Variants in ZNF254 observed in about 807,000 individuals in gnomAD.
ZNF254 encodes the protein CTD-2017D11.1.
ZNF254 carries 10 observed loss-of-function variants against 12.4 expected under a neutral mutation model. The observed-to-expected ratio is 0.80, with a 90% CI of 0.50 to 1.36. The LOEUF (loss-of-function observed/expected upper bound fraction) is 1.36, where lower values mean the gene tolerates loss of function less well. Ranked by LOEUF, ZNF254 falls within the 40% of genes most tolerant of loss-of-function variation. ZNF254 has a pLI of 0.00. For missense variants in ZNF254, 996 were observed against 763.9 expected (o/e 1.30, Z -3.58); for synonymous variants, 305 against 253.4 (o/e 1.20, Z -1.93).
intron 2 of ZNF254, among the ~76,000 whole-genome samples, chr19:24,074,782 G>T (rs1971599824): frequency 6.6e-6 from 1 of 152,116 alleles, no homozygotes; most frequent in African/African-American, 2.4e-5. Context: ...GTGATATGTA[G>T]CTGGGTCCAG....
At chr19:24,048,075 T>C (rs573082235) in intron 2 of ZNF254, among the ~76,000 whole-genome samples, 1 of 134,228 alleles carries the variant, frequency 7.5e-6, no homozygotes, top group Admixed American at 8.5e-5. Context: ...GCTCTCAGAC[T>C]TAGTCGCCAG....
At chr19:24,058,218 G>T (rs553186010) in intron 2 of ZNF254, among the ~76,000 whole-genome samples, 2 of 152,084 alleles carry the variant, frequency 1.3e-5, no homozygotes, top group Non-Finnish European at 2.9e-5. Flanking sequence ...ACATGCCTCT[G>T]TGTAGAACCC....
intron 1 of ZNF254, among the ~76,000 whole-genome samples, chr19:24,097,848 A>C (rs945851407): frequency 5.3e-5 from 8 of 152,008 alleles, no homozygotes; most frequent in Non-Finnish European, 7.4e-5. Flanking sequence ...ACAACAACAA[A>C]AAAAACAATT....
At chr19:24,090,849 T>C (rs1366058653) in intron 1 of ZNF254, among the ~76,000 whole-genome samples, 1 of 152,000 alleles carries the variant, frequency 6.6e-6, no homozygotes, top group East Asian at 1.9e-4. Context: ...TATCTAATAA[T>C]ATATTTTATT....
chr19:24,061,590 C>T (rs1971068718), intron 2 of ZNF254, among the ~76,000 whole-genome samples: 1 of 152,204 alleles, frequency 6.6e-6, no homozygotes, highest in African/African-American at 2.4e-5. Context: ...GACTCTCCTG[C>T]CTTTTCACAG....
In ZNF254 at chr19:24,052,738, C is replaced by T. The variant is rs983074988; in HGVS notation, c.-94+6459C>T. On this transcript the variant is annotated intron_variant, in intron 2 of 4. Coordinates refer to the ZNF254 transcript ENST00000613065. Reference sequence around the variant, plus strand: ...TTAGAGATGATTGTGACATATTGCCCCAAAAGGCAGGTGATGTGAGTCTTC... The same window carrying T: ...TTAGAGATGATTGTGACATATTGCCTCAAAAGGCAGGTGATGTGAGTCTTC... Among the ~76,000 whole-genome samples, 6 of 152,262 alleles carry T rather than the reference C, an allele frequency of 3.9e-5. No homozygotes were observed. The East Asian group carries it at 1.2e-3, about 29-fold the overall frequency.
At chr19:24,093,482 G>A (rs531741373) in intron 1 of ZNF254, among the ~76,000 whole-genome samples, 24 of 152,064 alleles carry the variant, frequency 1.6e-4, no homozygotes, top group Non-Finnish European at 2.1e-4. Flanking sequence ...TGTAATAAAG[G>A]GGTCCAGTTT....
chr19:24,108,434 A>G (rs1973468355), intron 3 of ZNF254, among the ~76,000 whole-genome samples: 1 of 152,202 alleles, frequency 6.6e-6, no homozygotes, highest in African/African-American at 2.4e-5. Context: ...GAAAAGGGTT[A>G]CCTTCAGTCT....
chr19:24,115,435 A>G lies in ZNF254; in HGVS notation c.253+8792A>G, dbSNP rs531421173. Among the ~76,000 whole-genome samples the G allele has an allele frequency of 7.5e-5, 11 of 146,850 alleles. No homozygotes were observed. In the East Asian group the frequency reaches 1.4e-3, roughly 18 times the overall value. ...TAAACTATCGCAAGAACAAAAAACC[A>G]AACACCGCATATTCCCACTCATGGG... is the stretch of plus-strand genomic sequence containing the variant. On this transcript the variant is annotated intron_variant, in intron 3 of 3. Transcript: ENST00000357002.
chr19:24,121,220 T>C (rs1974457888), intron 3 of ZNF254, among the ~76,000 whole-genome samples: 2 of 152,240 alleles, frequency 1.3e-5, no homozygotes, highest in South Asian at 4.1e-4. Context: ...TCACCTTTTA[T>C]CTTCAAGTAA....
chr19:24,108,822 G>A (rs1404391967), intron 3 of ZNF254, among the ~76,000 whole-genome samples: 1 of 152,160 alleles, frequency 6.6e-6, no homozygotes, highest in Non-Finnish European at 1.5e-5. Flanking sequence ...TACATGTCGT[G>A]CCTGAATTAA....
intron 3 of ZNF254, among the ~76,000 whole-genome samples, chr19:24,124,792 A>T (rs1599767861): frequency 2.1e-5 from 3 of 141,776 alleles, no homozygotes; most frequent in African/African-American, 4.9e-5. Context: ...TTTTGGAAAC[A>T]AGAGTCTCAC....
In ZNF254 at chr19:24,087,257, C is replaced by T; in HGVS notation, c.-51C>T. The T allele has an allele frequency of 1.9e-6, 3 of 1,611,766 alleles. No homozygotes were observed. The highest frequency in any genetic ancestry group is 2.5e-6 in the Non-Finnish European group (3 of 1,178,508). On this transcript the variant is annotated 5_prime_UTR_variant, in exon 1 of 4. Transcript: ENST00000357002. ...GCTCTGTGTCCTCTGCTCCTAGAGG[C>T]CCAGCCTCTGTGGCGCTGTTACCAG... is the stretch of plus-strand genomic sequence containing the variant.
intron 2 of ZNF254, among the ~76,000 whole-genome samples, chr19:24,077,735 C>T (rs1568441693): frequency 6.6e-6 from 1 of 152,098 alleles, no homozygotes; most frequent in Non-Finnish European, 1.5e-5. Context: ...TGTGGCTTCT[C>T]AGTGGCTGAT....
intron 3 of ZNF254, among the ~76,000 whole-genome samples, chr19:24,115,820 G>T (rs1486793820): frequency 6.6e-6 from 1 of 152,126 alleles, no homozygotes; most frequent in African/African-American, 2.4e-5. Context: ...GCATGATTTT[G>T]CAGTGGCTGG....
At chr19:24,041,389 G>A (rs1472506223) in intron 1 of ZNF254, among the ~76,000 whole-genome samples, 3 of 152,226 alleles carry the variant, frequency 2.0e-5, no homozygotes, top group Non-Finnish European at 4.4e-5. Context: ...GCGTGGGCTT[G>A]GTGGGCCCCA....
intron 1 of ZNF254, among the ~76,000 whole-genome samples, chr19:24,102,841 A>G (rs190626747): frequency 6.6e-6 from 1 of 152,156 alleles, no homozygotes; most frequent in Admixed American, 6.5e-5. Context: ...ATTAAACTCT[A>G]TCTGTGTCCT....
upstream of ZNF254, among the ~76,000 whole-genome samples, chr19:24,085,454 A>AT (rs1244267884): frequency 3.8e-5 from 5 of 132,486 alleles, no homozygotes; most frequent in Non-Finnish European, 8.2e-5. Flanking sequence ...GTGTAAAACA[A>AT]TTTTTTTATA....
At chr19:24,066,816 C>G (rs924575048) in intron 2 of ZNF254, 1 of 152,192 alleles carries the variant, frequency 6.6e-6, no homozygotes, top group African/African-American at 2.4e-5. Flanking sequence ...AGGATAATCG[C>G]TTAAGTCCAG....
Sources: allele counts gnomAD v4.1 joint callset (sites outside exome capture counted in the v4.1 genomes callset), GRCh38; gene constraint gnomAD v4.1.1; transcripts MANE v1.5; gene names NCBI Gene and HGNC (gene_info 2026-07-23, HGNC 2026-07-21).